GPD2: variants seen among roughly 807,000 people sequenced by gnomAD.
GPD2 encodes the protein glycerol-3-phosphate dehydrogenase 2.
A neutral mutation model predicts 82.4 loss-of-function variants in GPD2; 54 were observed. The ratio of observed to expected loss-of-function variants is 0.66; its 90% CI spans 0.53 to 0.82. GPD2 has a LOEUF of 0.82. Ranked by LOEUF, GPD2 falls within the 40% of genes least tolerant of loss-of-function variation. GPD2 has a pLI of 0.00. For synonymous variants in GPD2, 288 were observed against 306.1 expected, an observed-to-expected ratio of 0.94 and a Z score of 0.62; for missense variants, 748 against 896.2, an observed-to-expected ratio of 0.83 and a Z score of 2.11.
chr2:156,423,830 G>T, the GPD2 span, among the ~76,000 whole-genome samples: 3 of 152,060 alleles, frequency 2.0e-5, no homozygotes, highest in African/African-American at 7.2e-5. Flanking sequence ...AGGCAGAGCC[G>T]ATCTCCACTG....
At chr2:156,483,282 G>A (rs902420034) in intron 2 of GPD2, among the ~76,000 whole-genome samples, 2 of 152,184 alleles carry the variant, frequency 1.3e-5, no homozygotes, top group East Asian at 3.8e-4. Flanking sequence ...TGAACCTGTT[G>A]TAGCGTGTGT....
intron 6 of GPD2, among the ~76,000 whole-genome samples, chr2:156,515,955 G>A (rs557535855): frequency 2.3e-4 from 35 of 152,240 alleles, no homozygotes; most frequent in East Asian, 1.9e-4. Context: ...ATTGAATATC[G>A]ACATGGAAAC....
chr2:156,403,655 A>G, the GPD2 span, among the ~76,000 whole-genome samples: 28,709 of 150,926 alleles, frequency 0.19, 3,204 homozygotes, highest in Non-Finnish European at 0.24. Flanking sequence ...ATGCATGTGC[A>G]TCCAGCAGTC....
chr2:156,517,105 T>C (rs1462433959), intron 6 of GPD2, among the ~76,000 whole-genome samples: 1 of 152,178 alleles, frequency 6.6e-6, no homozygotes, highest in Non-Finnish European at 1.5e-5. Flanking sequence ...ATAAAGAAGT[T>C]CCATGCACTC....
chr2:156,543,026 G>A (rs1325091621), intron 6 of GPD2, among the ~76,000 whole-genome samples: 1 of 152,092 alleles, frequency 6.6e-6, no homozygotes, highest in Non-Finnish European at 1.5e-5. Flanking sequence ...AAAAATATTT[G>A]TTAAAGACAT....
rs138855830 is a variant in GPD2 at position 156,535,437 on chromosome 2, G to GGGGAGA, written c.662-14170_662-14169insGGAGAG. Among the ~76,000 whole-genome samples the GGGGAGA allele has an allele frequency of 2.0e-3, 164 of 80,100 alleles. 3 individuals carry two copies. Among genetic ancestry groups the GGGGAGA allele is most frequent in the Middle Eastern group, 0.014 (2 of 146 alleles). 52.5% of individuals were successfully genotyped at this position (80,100 alleles called of 152,430 possible). ...AGACCTAGGAAAGAGAGGGGGGTGG[G>GGGGAGA]GAGAGAGAGAGAGAGAGAGAGAGAA... On this transcript the variant is annotated intron_variant, in intron 6 of 16. Coordinates refer to ENST00000438166, the MANE Select transcript of GPD2 (RefSeq NM_000408.5).
intron 16 of GPD2, among the ~76,000 whole-genome samples, chr2:156,582,019 G>A (rs935309203): frequency 4.6e-5 from 7 of 151,806 alleles, no homozygotes; most frequent in Admixed American, 4.6e-4. Flanking sequence ...ATATTTATAT[G>A]ATGAATAGCT....
At chr2:156,546,307 G>A (rs1393438830) in intron 6 of GPD2, among the ~76,000 whole-genome samples, 1 of 152,160 alleles carries the variant, frequency 6.6e-6, no homozygotes, top group African/African-American at 2.4e-5. Context: ...TTAGGTGGGG[G>A]TTTGGGATTA....
chr2:156,553,204 T>C (rs1057013371), intron 8 of GPD2, among the ~76,000 whole-genome samples: 1 of 152,072 alleles, frequency 6.6e-6, no homozygotes, highest in Non-Finnish European at 1.5e-5. Flanking sequence ...GTACTGATAA[T>C]ACCTAACTGG....
chr2:156,498,883 T>C (rs1684484054), intron 3 of GPD2, among the ~76,000 whole-genome samples: 1 of 152,096 alleles, frequency 6.6e-6, no homozygotes, highest in South Asian at 2.1e-4. Flanking sequence ...GGGAGAAAAG[T>C]CAGTGCTAGG....
At chr2:156,468,382 A>G (rs1683215161) in intron 1 of GPD2, among the ~76,000 whole-genome samples, 2 of 152,216 alleles carry the variant, frequency 1.3e-5, no homozygotes, top group Admixed American at 6.5e-5. Context: ...CTGGATTTGT[A>G]TGCGAGTGTG....
chr2:156,578,986 C>A lies in GPD2; in HGVS notation c.1865C>A (p.Pro622His). The A allele has an allele frequency of 6.3e-7, 1 of 1,599,488 alleles. No homozygotes were observed. Among genetic ancestry groups the A allele is most frequent in the South Asian group, 1.1e-5 (1 of 90,780 alleles). Residue 622 changes from proline to histidine, a missense_variant, in exon 14 of 17, where the codon CCT becomes CAT. By Grantham distance (77) the Pro-to-His change is moderately conservative. Coordinates refer to ENST00000438166, the MANE Select transcript of GPD2 (RefSeq NM_000408.5). ...GATCGCTCTGAAATTAGCCTACTGC[C>A]TTCAGACATTGACAGGTACTTATAA... Reference protein sequence around the residue: ...LTDRSEISLLPSDIDRYKKRF... With the variant: ...LTDRSEISLLHSDIDRYKKRF...
rs1192848405 is a variant in GPD2 at position 156,570,138 on chromosome 2, A to C, written c.1528A>C (p.Lys510Gln). ...TGGTGATAAGGCCTTTGAGGTGGCC[A>C]AAATGGCAAGTGTGACTGGCAAAAG... Reference protein sequence around the residue: ...TYGDKAFEVAKMASVTGKRWP... With the variant: ...TYGDKAFEVAQMASVTGKRWP... Residue 510 changes from lysine to glutamine, a missense_variant, in exon 12 of 17, where the codon AAA (lysine) becomes CAA (glutamine). Lys to Gln is a moderately conservative substitution (Grantham distance 53). Around this residue, in one of 3 missense-constraint regions of GPD2, gnomAD observed 692 missense variants for 809.7 expected, o/e 0.85. Coordinates refer to ENST00000438166, the MANE Select transcript of GPD2 (RefSeq NM_000408.5). 2 of 1,612,194 alleles carry C rather than the reference A, an allele frequency of 1.2e-6. No individual in the cohort carries two copies. The highest frequency in any genetic ancestry group is 1.7e-6 in the Non-Finnish European group (2 of 1,178,966).
the GPD2 span, among the ~76,000 whole-genome samples, chr2:156,410,714 A>C: frequency 1.3e-5 from 2 of 152,180 alleles, no homozygotes; most frequent in African/African-American, 4.8e-5. Context: ...TTACTCATGT[A>C]TGGCAAAGTG....
chr2:156,514,284 AT>A (rs570100981), intron 6 of GPD2, among the ~76,000 whole-genome samples: 65 of 152,140 alleles, frequency 4.3e-4, no homozygotes, highest in African/African-American at 1.5e-3. Context: ...AGTGTGTGAG[AT>A]TGGAATATAG....
chr2:156,451,411 G>T, intron 1 of GPD2, among the ~76,000 whole-genome samples: 1 of 140,370 alleles, frequency 7.1e-6, no homozygotes, highest in Admixed American at 6.9e-5. Context: ...CAGCTGGCAG[G>T]GCGGGGGGCT....
chr2:156,542,325 G>A (rs1040228789), intron 6 of GPD2, among the ~76,000 whole-genome samples: 6 of 152,150 alleles, frequency 3.9e-5, no homozygotes, highest in African/African-American at 1.4e-4. Context: ...TCCTGTGCCT[G>A]CATTTAATTG....
At chr2:156,523,207 G>C (rs181209521) in intron 6 of GPD2, among the ~76,000 whole-genome samples, 18 of 152,192 alleles carry the variant, frequency 1.2e-4, no homozygotes, top group Non-Finnish European at 1.6e-4. Context: ...ATACTGAATA[G>C]TTTCGCTGGC....
At chr2:156,403,665 C>T in the GPD2 span, among the ~76,000 whole-genome samples, 1 of 151,378 alleles carries the variant, frequency 6.6e-6, no homozygotes, top group African/African-American at 2.4e-5. Context: ...ATCCAGCAGT[C>T]CACCCAACTC....
Sources: allele counts gnomAD v4.1 joint callset (sites outside exome capture counted in the v4.1 genomes callset), GRCh38; gene constraint gnomAD v4.1.1; regional missense constraint gnomAD v4.1.1; transcripts MANE v1.5; gene names NCBI Gene and HGNC (gene_info 2026-07-23, HGNC 2026-07-21).